TENM1: variants seen among roughly 807,000 people sequenced by gnomAD.
TENM1 encodes teneurin-1.
In TENM1, 35 loss-of-function variants were observed where a neutral mutation model predicts 174.8. That is an observed-to-expected ratio of 0.20 (90% confidence interval 0.15 to 0.27). The LOEUF (loss-of-function observed/expected upper bound fraction) is 0.27, where lower values mean the gene tolerates loss of function less well. Ranked by LOEUF, TENM1 falls within the 10% of genes least tolerant of loss-of-function variation. The probability of loss-of-function intolerance (pLI) is 1.00; values close to 1 mark genes in which losing one functional copy is unlikely to be tolerated. For synonymous variants in TENM1, 781 were observed against 798.7 expected (o/e 0.98, Z 0.37); for missense variants, 1,633 against 2,130.1 (o/e 0.77, Z 4.59).
the TENM1 span, among the ~76,000 whole-genome samples, chrX:124,969,850 A>G: frequency 8.9e-6 from 1 of 112,173 alleles, no homozygotes; most frequent in African/African-American, 3.2e-5. Flanking sequence ...TAAACTAAGG[A>G]GATTGGATTA....
In TENM1 at chrX:124,643,017, T is replaced by C. The variant is rs774116244; in HGVS notation, c.1877-1026A>G. Among the ~76,000 whole-genome samples, 6 of 111,620 alleles carry C rather than the reference T, an allele frequency of 5.4e-5. No individual in the cohort carries two copies. The South Asian group carries it at 2.3e-3, about 42-fold the overall frequency. On this transcript the variant is annotated intron_variant, in intron 10 of 31. Coordinates refer to ENST00000422452, the Ensembl canonical transcript of TENM1. ...CTAAGCACTATTATAATTGGTGTTA[T>C]TGCCACTATAATTAGCCCAAGAGCT...
At chrX:124,938,290 G>A (rs185550051) in intron 1 of TENM1, among the ~76,000 whole-genome samples, 37 of 111,721 alleles carry the variant, frequency 3.3e-4, no homozygotes, top group African/African-American at 1.2e-3. Context: ...AAATTATAAG[G>A]GCAAACTGGC....
At chrX:124,505,222 G>A (rs751600672) in intron 18 of TENM1, among the ~76,000 whole-genome samples, 2 of 112,273 alleles carry the variant, frequency 1.8e-5, no homozygotes, top group African/African-American at 6.5e-5. Context: ...CATTCCTGGC[G>A]GGGATGCCCT....
At chrX:124,594,172 A>G (rs1314740319) in intron 11 of TENM1, among the ~76,000 whole-genome samples, 1 of 111,725 alleles carries the variant, frequency 9.0e-6, no homozygotes, top group Non-Finnish European at 1.9e-5. Context: ...ACTGTGGAAA[A>G]GTGAGTCACA....
At chrX:124,888,402 G>T (rs894764318) in intron 3 of TENM1, among the ~76,000 whole-genome samples, 1 of 111,722 alleles carries the variant, frequency 9.0e-6, no homozygotes, top group African/African-American at 3.3e-5. Flanking sequence ...CCCTTAAAGG[G>T]TTACTACAAT....
chrX:124,814,736 T>C (rs1239731008), intron 3 of TENM1, among the ~76,000 whole-genome samples: 1 of 110,883 alleles, frequency 9.0e-6, no homozygotes, highest in Non-Finnish European at 1.9e-5. Context: ...CCTTTACTGA[T>C]AGAGTAGGGT....
chrX:124,404,620 C>T (rs1185770189), intron 27 of TENM1, among the ~76,000 whole-genome samples: 1 of 110,877 alleles, frequency 9.0e-6, no homozygotes, highest in Non-Finnish European at 1.9e-5. Flanking sequence ...TGTGTACCTG[C>T]GAGGTCTTTC....
chrX:124,585,934 T>C (rs906585367), intron 11 of TENM1, among the ~76,000 whole-genome samples: 2 of 110,672 alleles, frequency 1.8e-5, no homozygotes, highest in Non-Finnish European at 3.8e-5. Context: ...CTAGAAAATC[T>C]AGAAGAGATG....
At chrX:125,102,554 A>G in the TENM1 span, among the ~76,000 whole-genome samples, 2 of 112,007 alleles carry the variant, frequency 1.8e-5, no homozygotes, top group Non-Finnish European at 3.8e-5. Context: ...CTATGATTGT[A>G]TTATTTATAC....
At chrX:124,520,698 T>C (rs755158410) in exon 18 of TENM1, 3 of 1,209,427 alleles carry the variant, frequency 2.5e-6, no homozygotes, top group Middle Eastern at 4.6e-4. Flanking sequence ...GAAGGATCCG[T>C]AGCAGGGTTT....
chrX:124,942,146 C>T (rs1242216271), intron 1 of TENM1, among the ~76,000 whole-genome samples: 5 of 111,193 alleles, frequency 4.5e-5, no homozygotes, highest in Non-Finnish European at 7.6e-5. Context: ...TTATTATTTT[C>T]TCTCTTTCAT....
intron 27 of TENM1, among the ~76,000 whole-genome samples, chrX:124,403,523 AAAAAAAAAAAG>A (rs1180744513): frequency 9.3e-6 from 1 of 107,026 alleles, no homozygotes; most frequent in Non-Finnish European, 1.9e-5. Context: ...CTTGTCTCAA[AAAAAAAAAAAG>A]AAAAAAAAAA....
chrX:125,091,765 A>T, the TENM1 span, among the ~76,000 whole-genome samples: 1 of 110,199 alleles, frequency 9.1e-6, no homozygotes, highest in Non-Finnish European at 1.9e-5. Context: ...AGGTGGGTGG[A>T]TCATGAGGTC....
intron 23 of TENM1, among the ~76,000 whole-genome samples, chrX:124,435,588 T>C (rs2060828583): frequency 1.8e-5 from 2 of 112,130 alleles, no homozygotes; most frequent in African/African-American, 6.5e-5. Context: ...CAAAAGTTCA[T>C]TTCAAGTTAT....
chrX:125,132,911 T>C, the TENM1 span, among the ~76,000 whole-genome samples: 1 of 112,149 alleles, frequency 8.9e-6, no homozygotes, highest in Non-Finnish European at 1.9e-5. Flanking sequence ...CATAACATTA[T>C]TATGAAGGTA....
chrX:125,132,534 T>G, the TENM1 span, among the ~76,000 whole-genome samples: 4 of 111,906 alleles, frequency 3.6e-5, no homozygotes, highest in Admixed American at 9.5e-5. Flanking sequence ...CACATCTGGA[T>G]AGAGGGGGTA....
intron 11 of TENM1, among the ~76,000 whole-genome samples, chrX:124,606,733 G>A (rs1227714311): frequency 8.9e-6 from 1 of 111,732 alleles, no homozygotes; most frequent in South Asian, 3.7e-4. Flanking sequence ...AGACACATTA[G>A]GGTTTAGACC....
chrX:125,173,492 G>T, the TENM1 span, among the ~76,000 whole-genome samples: 17 of 110,685 alleles, frequency 1.5e-4, no homozygotes, highest in African/African-American at 5.3e-4. Context: ...TATAGTGCTA[G>T]GTCCTGGGAA....
chrX:124,632,157 C>T (rs1355798377), intron 11 of TENM1, among the ~76,000 whole-genome samples: 2 of 109,149 alleles, frequency 1.8e-5, no homozygotes, highest in Non-Finnish European at 3.8e-5. Context: ...ATGATCTGCC[C>T]GCCTTGGCCT....
Sources: allele counts gnomAD v4.1 joint callset (sites outside exome capture counted in the v4.1 genomes callset), GRCh38; gene constraint gnomAD v4.1.1; transcripts MANE v1.5; gene names NCBI Gene and HGNC (gene_info 2026-07-23, HGNC 2026-07-21).